FAM168B: variants seen among roughly 807,000 people sequenced by gnomAD.
The protein encoded by FAM168B is myelin-associated neurite-outgrowth inhibitor.
In FAM168B, 19 loss-of-function variants were observed where a neutral mutation model predicts 21.8. The ratio of observed to expected loss-of-function variants is 0.87; its 90% confidence interval spans 0.61 to 1.28. The LOEUF (loss-of-function observed/expected upper bound fraction) is 1.28, where lower values mean the gene tolerates loss of function less well. Among genes scored for constraint, FAM168B ranks in the 50% most tolerant of loss-of-function variants. The pLI, the probability that FAM168B is intolerant of heterozygous loss-of-function variation, is 0.00. For missense variants in FAM168B, 233 were observed against 263.1 expected (o/e 0.89, Z 0.79); for synonymous variants, 126 against 104.8 (o/e 1.20, Z -1.24).
Position 131,050,527 on chromosome 2 carries a change from G to A in FAM168B, c.*1938C>T, listed in dbSNP as rs1468708847. 23 of 985,664 alleles carry A rather than the reference G, an allele frequency of 2.3e-5. No homozygotes were observed. Among genetic ancestry groups the A allele is most frequent in the African/African-American group, 3.5e-5 (2 of 57,212 alleles). 61.1% of individuals were successfully genotyped at this position (985,664 alleles called of 1,614,324 possible). ...ACATAGACACTAAGATGGATTAAGTGCTCATGAAGCAATTTAAAGTACTTA... is the reference window on the plus strand; with the variant it reads ...ACATAGACACTAAGATGGATTAAGTACTCATGAAGCAATTTAAAGTACTTA... On this transcript the variant is annotated 3_prime_UTR_variant, in exon 7 of 7. Coordinates refer to ENST00000389915, the MANE Select transcript of FAM168B (RefSeq NM_001009993.4).
chr2:131,088,872 T>C (rs1559004110), intron 1 of FAM168B, among the ~76,000 whole-genome samples: 1 of 151,974 alleles, frequency 6.6e-6, no homozygotes, highest in Non-Finnish European at 1.5e-5. Context: ...GAAATGTTAG[T>C]GCTACTAAAA....
chr2:131,059,265 C>A (rs1573759191), intron 3 of FAM168B, among the ~76,000 whole-genome samples: 1 of 152,156 alleles, frequency 6.6e-6, no homozygotes, highest in Admixed American at 6.5e-5. Context: ...TTTATGCAGT[C>A]TTGGCAAGCA....
intron 2 of FAM168B, among the ~76,000 whole-genome samples, chr2:131,078,986 CAA>C (rs755973080): frequency 2.1e-4 from 20 of 93,858 alleles, no homozygotes; most frequent in African/African-American, 1.6e-4. Flanking sequence ...GACCCTTTCA[CAA>C]AAAAAAAAAA....
At position 131,051,835 on chromosome 2, in the gene FAM168B, C is replaced by A; in HGVS notation, c.*630G>T. The A allele has an allele frequency of 1.0e-6, 1 of 985,460 alleles. No individual in the cohort carries two copies. The highest frequency in any genetic ancestry group is 4.7e-5 in the South Asian group (1 of 21,288). 61.0% of individuals were successfully genotyped at this position (985,460 alleles called of 1,614,324 possible). On this transcript the variant is annotated 3_prime_UTR_variant, in exon 7 of 7. Coordinates refer to ENST00000389915, the MANE Select transcript of FAM168B (RefSeq NM_001009993.4). ...TGTCCATGAACCAGCTGCACCCAAG[C>A]AGCTGTGGCTTCCCTACTCTCTCCC...
chr2:131,090,135 G>A (rs190399060), intron 1 of FAM168B, among the ~76,000 whole-genome samples: 39 of 129,322 alleles, frequency 3.0e-4, no homozygotes, highest in Admixed American at 2.1e-3. Flanking sequence ...GTGAAACCCC[G>A]TCTCTACCAA....
At chr2:131,067,753 C>T (rs1362144115) in intron 3 of FAM168B, among the ~76,000 whole-genome samples, 1 of 151,962 alleles carries the variant, frequency 6.6e-6, no homozygotes, top group Admixed American at 6.6e-5. Flanking sequence ...ACACACCCAC[C>T]TCCACACACC....
rs555528227 is a variant in FAM168B, at chr2:131,085,063, T to C, written c.-11-2406A>G. ...TATGTGGTTATAAAGATTAAGGTGA[T>C]CTTTAAGATTAAAACAGCATGTGTG... is the stretch of plus-strand genomic sequence containing the variant. On this transcript the variant is annotated intron_variant, in intron 1 of 6. Transcript: ENST00000389915. Among the ~76,000 whole-genome samples, 6 of 152,284 alleles carry C rather than the reference T, an allele frequency of 3.9e-5. No homozygotes were observed. In the East Asian group the frequency reaches 1.2e-3, roughly 29 times the overall value.
At chr2:131,054,871 G>A (rs13005903) in intron 5 of FAM168B, among the ~76,000 whole-genome samples, 2 of 152,168 alleles carry the variant, frequency 1.3e-5, no homozygotes, top group African/African-American at 2.4e-5. Context: ...TCTCCTAGAT[G>A]CATGAAAACA....
rs887058117 is a variant in FAM168B at position 131,051,172 on chromosome 2, G to A, written c.*1293C>T. The A allele has an allele frequency of 6.1e-5, 60 of 985,152 alleles. No individual in the cohort carries two copies. Among genetic ancestry groups the A allele is most frequent in the Middle Eastern group, 5.2e-4 (1 of 1,936 alleles). The allele number at this position is 985,152 out of a possible 1,614,324, so 61.0% of individuals were successfully genotyped here. A position where few individuals can be genotyped will look rare whatever the true frequency, so the allele number is the denominator to read the frequency against. On this transcript the variant is annotated 3_prime_UTR_variant, in exon 7 of 7. Transcript: ENST00000389915. The stretch of plus-strand genomic sequence containing the variant: ...GCAAAAGAGATGGCAGGAGAGGCTC[G>A]CAGACAACAGACACTGGCCTCCCCC...
Position 131,052,263 on chromosome 2 carries a change from G to C in FAM168B, c.*202C>G, listed in dbSNP as rs986081633. On this transcript the variant is annotated 3_prime_UTR_variant, in exon 7 of 7. Transcript: ENST00000389915. ...AAATTGCCAGGCAGTCCACAAAACA[G>C]AATTTGCTTTAAGACCAACCCACAG... is the stretch of plus-strand genomic sequence containing the variant. 14 of 985,762 alleles carry C rather than the reference G, an allele frequency of 1.4e-5. No individual in the cohort carries two copies. In the East Asian group the frequency reaches 3.4e-4, roughly 24 times the overall value. The allele number at this position is 985,762 out of a possible 1,614,324, so 61.1% of individuals were successfully genotyped here. A position where few individuals can be genotyped will look rare whatever the true frequency, so the allele number is the denominator to read the frequency against.
At chr2:131,068,965 G>A (rs574589740) in intron 3 of FAM168B, among the ~76,000 whole-genome samples, 3 of 152,200 alleles carry the variant, frequency 2.0e-5, no homozygotes, top group Non-Finnish European at 2.9e-5. Flanking sequence ...GCAGTGAGGC[G>A]TGATTGCACC....
intron 1 of FAM168B, among the ~76,000 whole-genome samples, chr2:131,086,390 C>A (rs1693699158): frequency 6.6e-6 from 1 of 152,172 alleles, no homozygotes; most frequent in East Asian, 1.9e-4. Flanking sequence ...CGCTGTCCAA[C>A]AGAACTGTTC....
chr2:131,081,021 C>T (rs1693406895), intron 2 of FAM168B, among the ~76,000 whole-genome samples: 1 of 152,134 alleles, frequency 6.6e-6, no homozygotes, highest in Non-Finnish European at 1.5e-5. Context: ...GAGAAGAGCT[C>T]CAGATGTTTC....
rs137993471 is a variant in FAM168B, at chr2:131,062,464, T to C, written c.155-6769A>G. On this transcript the variant is annotated intron_variant, in intron 3 of 6. Transcript: ENST00000389915. ...CCAAGGTGTCTTTTTTGTTTTTGTT[T>C]TGAGACGGAGTCTCGCTCTGTTGCC... 2.6e-3 allele frequency among the ~76,000 whole-genome samples: 392 copies of C among 152,344 alleles called. 9 individuals carry two copies. The highest frequency in any genetic ancestry group is 0.021 in the Admixed American group (327 of 15,302).
At chr2:131,089,261 G>A (rs1693883917) in intron 1 of FAM168B, among the ~76,000 whole-genome samples, 2 of 150,458 alleles carry the variant, frequency 1.3e-5, no homozygotes, top group Non-Finnish European at 3.0e-5. Context: ...CCACTGCACC[G>A]GGCCGAGCTT....
At chr2:131,053,434 G>A (rs1266168635) in intron 5 of FAM168B, among the ~76,000 whole-genome samples, 1 of 152,198 alleles carries the variant, frequency 6.6e-6, no homozygotes, top group Non-Finnish European at 1.5e-5. Context: ...TGAAGTACCT[G>A]GAGTAGTCAA....
intron 3 of FAM168B, among the ~76,000 whole-genome samples, chr2:131,057,548 T>C (rs540361048): frequency 1.3e-5 from 2 of 152,310 alleles, no homozygotes; most frequent in Non-Finnish European, 2.9e-5. Flanking sequence ...GGTGGTTCCA[T>C]GGGCATGTAC....
At chr2:131,058,956 A>G (rs796765389) in intron 3 of FAM168B, among the ~76,000 whole-genome samples, 4 of 152,326 alleles carry the variant, frequency 2.6e-5, no homozygotes, top group African/African-American at 9.6e-5. Flanking sequence ...AGGAAAAGGT[A>G]GTGTGTCCGG....
intron 2 of FAM168B, among the ~76,000 whole-genome samples, chr2:131,081,200 G>A (rs1273500692): frequency 1.3e-5 from 2 of 152,002 alleles, no homozygotes; most frequent in Non-Finnish European, 2.9e-5. Context: ...TTATGTTTCT[G>A]ATTCTTTCTT....
Sources: gnomAD v4.1 joint callset for allele counts (sites outside exome capture counted in the v4.1 genomes callset) on GRCh38, gnomAD v4.1.1 for gene constraint, MANE v1.5 for transcripts, NCBI Gene and HGNC (gene_info 2026-07-23, HGNC 2026-07-21) for gene names.